The following C15orf40 variants were observed in gnomAD, a reference collection of about 807,000 sequenced individuals.
C15orf40 encodes the protein UPF0235 protein C15orf40.
Under a neutral mutation model 13.9 loss-of-function variants are expected in C15orf40, and 9 were observed. The ratio of observed to expected loss-of-function variants is 0.65; its 90% confidence interval spans 0.39 to 1.13. C15orf40 has a LOEUF of 1.13. C15orf40 is among the 50% of genes most tolerant of loss of function. The probability of loss-of-function intolerance (pLI) is 0.01; values close to 1 mark genes in which losing one functional copy is unlikely to be tolerated. For missense variants in C15orf40, 225 were observed against 188.5 expected (o/e 1.19, Z -1.13); for synonymous variants, 95 against 69.2 (o/e 1.37, Z -1.85).
chr15:82,998,078 G>C lies in C15orf40; in HGVS notation c.*7519C>G, dbSNP rs2031207624. ...CATCTCCCTCCCGGACGGGGTGGCT[G>C]GCCGGGCTGAGGGGCTCCTCACTTC... On this transcript the variant is annotated 3_prime_UTR_variant, in exon 4 of 4. Transcript: ENST00000304177. The C allele has an allele frequency of 7.4e-6, 1 of 134,992 alleles. No homozygotes were observed. The highest frequency in any genetic ancestry group is 1.6e-5 in the Non-Finnish European group (1 of 62,282). 8.4% of individuals were successfully genotyped at this position (134,992 alleles called of 1,614,324 possible). A position where few individuals can be genotyped will look rare whatever the true frequency, so the allele number is the denominator to read the frequency against.
At position 83,003,686 on chromosome 15, in the gene C15orf40, A is replaced by T. The variant is rs2031525108; in HGVS notation, c.*1911T>A. ...CATAAGCCACCTTTTCTTGCCCTTG[A>T]TACCTATTTGGTACAAGTTAAGAGT... On this transcript the variant is annotated 3_prime_UTR_variant, in exon 4 of 4. Coordinates refer to ENST00000304177, the MANE Select transcript of C15orf40 (RefSeq NM_144597.3). The T allele has an allele frequency of 6.6e-6, 1 of 152,188 alleles. No individual in the cohort carries two copies. The allele number at this position is 152,188 out of a possible 1,614,324, so 9.4% of individuals were successfully genotyped here. A position where few individuals can be genotyped will look rare whatever the true frequency, so the allele number is the denominator to read the frequency against.
rs1393251334 is a variant in C15orf40 at position 83,010,096 on chromosome 15, GA to G, written c.238+140del. 6.1e-5 allele frequency: 72 copies of G among 1,183,044 alleles called. No individual in the cohort carries two copies. The African/African-American group carries it at 1.1e-3, about 17-fold the overall frequency. 73.3% of individuals were successfully genotyped at this position (1,183,044 alleles called of 1,614,324 possible). The stretch of plus-strand genomic sequence containing the variant: ...TAAGACACCTTTACATTAGAATCTA[GA>G]ATTTTAAAATGGAGAAGCCTCTAAC... On this transcript the variant is annotated intron_variant, in intron 2 of 3. Transcript: ENST00000304177.
Position 83,003,174 on chromosome 15 carries a change from A to C in C15orf40, c.*2423T>G, listed in dbSNP as rs2031498321. 2.3e-5 allele frequency: 3 copies of C among 131,414 alleles called. No homozygotes were observed. The highest frequency in any genetic ancestry group is 1.9e-4 in the Admixed American group (2 of 10,654). 8.1% of individuals were successfully genotyped at this position (131,414 alleles called of 1,614,324 possible). A position where few individuals can be genotyped will look rare whatever the true frequency, so the allele number is the denominator to read the frequency against. ...GAGTTTCGCTCCTTTTGCCCAGGCT[A>C]GAGTGCAATGGCACGATCTCAGCTC... is the stretch of plus-strand genomic sequence containing the variant. On this transcript the variant is annotated 3_prime_UTR_variant, in exon 4 of 4. Coordinates refer to ENST00000304177, the MANE Select transcript of C15orf40 (RefSeq NM_144597.3).
downstream of C15orf40, chr15:82,991,103 T>G (rs1403831751): frequency 6.4e-6 from 1 of 155,220 alleles, no homozygotes; most frequent in African/African-American, 2.4e-5. Context: ...ATGAGATTTT[T>G]GGGTTTTTTT....
At chr15:83,006,426 T>C (rs1199712078) in intron 3 of C15orf40, 1 of 985,376 alleles carries the variant, frequency 1.0e-6, no homozygotes, top group Non-Finnish European at 1.2e-6. Flanking sequence ...AGTAGCCACA[T>C]ATCCAAGTGC....
chr15:83,010,457 C>G (rs779695356), intron 1 of C15orf40, 94 bp from the exon 2 acceptor site: 1 of 1,458,734 alleles, frequency 6.9e-7, no homozygotes, highest in Non-Finnish European at 9.5e-7. Context: ...CCTTAACAGA[C>G]AAACTAGGCT....
chr15:83,006,512 C>T, intron 3 of C15orf40: 1 of 976,672 alleles, frequency 1.0e-6, no homozygotes. Flanking sequence ...GTAATCCTAG[C>T]ACTCTGGGAG....
At chr15:83,005,795 CT>C in intron 3 of C15orf40, 103 bp from the exon 4 acceptor site, 1 of 1,423,194 alleles carries the variant, frequency 7.0e-7, no homozygotes. Flanking sequence ...ATGGCTTTCT[CT>C]TGGTTACTTC....
rs747542516 is a variant in C15orf40, at chr15:83,008,560, C to G, written c.354G>C (p.Val118=). Residue 118 remains valine (V), a synonymous_variant, in exon 3 of 4, where the codon GTG becomes GTC. Transcript: ENST00000304177. ...GAGCGAGACCTACCTTATCCAAAAC[C>G]ACATCACTCTTCCTGAGTTCTAGGA... ...SKVLELRKSD[V]VLDKGGKSRE... 1 of 1,613,616 alleles carries G rather than the reference C, an allele frequency of 6.2e-7. No individual in the cohort carries two copies. Among genetic ancestry groups the G allele is most frequent in the African/African-American group, 1.3e-5 (1 of 74,982 alleles).
At position 82,996,588 on chromosome 15, in the gene C15orf40, G is replaced by A; in HGVS notation, c.*9009C>T. 1 of 152,140 alleles carries A rather than the reference G, an allele frequency of 6.6e-6. No homozygotes were observed. Among genetic ancestry groups the A allele is most frequent in the Non-Finnish European group, 1.5e-5 (1 of 68,012 alleles). The allele number at this position is 152,140 out of a possible 1,614,324, so 9.4% of individuals were successfully genotyped here. A position where few individuals can be genotyped will look rare whatever the true frequency, so the allele number is the denominator to read the frequency against. On this transcript the variant is annotated 3_prime_UTR_variant, in exon 4 of 4. Coordinates refer to ENST00000304177, the MANE Select transcript of C15orf40 (RefSeq NM_144597.3). ...AACCCAGGACGCAGAACTTGCAGTA[G>A]GCCGAGACTGCGACACTGCACTCCA...
rs969440239 is a variant in C15orf40, at chr15:82,995,909, G to C, written c.*9688C>G. ...AATGGCTACCCAGTCAGTCAGGTTC[G>C]TATATAAGAGTGAGTTATCTGTGGG... is the stretch of plus-strand genomic sequence containing the variant. On this transcript the variant is annotated 3_prime_UTR_variant, in exon 4 of 4. Coordinates refer to ENST00000304177, the MANE Select transcript of C15orf40 (RefSeq NM_144597.3). 6.6e-6 allele frequency: 1 copy of C among 152,266 alleles called. No individual in the cohort carries two copies. The highest frequency in any genetic ancestry group is 1.5e-5 in the Non-Finnish European group (1 of 68,078). 9.4% of individuals were successfully genotyped at this position (152,266 alleles called of 1,614,324 possible). A position where few individuals can be genotyped will look rare whatever the true frequency, so the allele number is the denominator to read the frequency against.
chr15:83,004,927 T>C lies in C15orf40; in HGVS notation c.*670A>G, dbSNP rs1450740487. 1 of 1,302,110 alleles carries C rather than the reference T, an allele frequency of 7.7e-7. No individual in the cohort carries two copies. The highest frequency in any genetic ancestry group is 1.0e-6 in the Non-Finnish European group (1 of 986,090). The allele number at this position is 1,302,110 out of a possible 1,614,324, so 80.7% of individuals were successfully genotyped here. A position where few individuals can be genotyped will look rare whatever the true frequency, so the allele number is the denominator to read the frequency against. The stretch of plus-strand genomic sequence containing the variant: ...ACAAGTAGTCCAAGGATTTGGGTTC[T>C]AGTTGCCAGCTTGCATGGTACAATC... On this transcript the variant is annotated 3_prime_UTR_variant, in exon 4 of 4. Coordinates refer to ENST00000304177, the MANE Select transcript of C15orf40 (RefSeq NM_144597.3).
downstream of C15orf40, among the ~76,000 whole-genome samples, chr15:82,991,259 G>A (rs756288956): frequency 4.6e-5 from 7 of 152,166 alleles, no homozygotes; most frequent in African/African-American, 9.6e-5. Flanking sequence ...TTAAAAAGGC[G>A]TCTTCCAGCC....
At chr15:83,006,842 T>C (rs1042485710) in intron 3 of C15orf40, among the ~76,000 whole-genome samples, 3 of 152,160 alleles carry the variant, frequency 2.0e-5, no homozygotes, top group African/African-American at 7.2e-5. Flanking sequence ...TTTATTTAGA[T>C]GAGTGGAATT....
downstream of C15orf40, among the ~76,000 whole-genome samples, chr15:82,992,987 T>G (rs1418680790): frequency 2.6e-5 from 4 of 152,178 alleles, no homozygotes; most frequent in Admixed American, 1.3e-4. Context: ...AAAGATAATT[T>G]AAGAGTGAGA....
At position 83,004,255 on chromosome 15, in the gene C15orf40, C is replaced by T. The variant is rs1014313086; in HGVS notation, c.*1342G>A. ...CCTTCCAAAGCGCTGGGATTACAGG[C>T]GTGAGCCACCAAGCCCAGCTACCAT... On this transcript the variant is annotated 3_prime_UTR_variant, in exon 4 of 4. Transcript: ENST00000304177. The T allele has an allele frequency of 2.2e-6, 2 of 924,246 alleles. No homozygotes were observed. Among genetic ancestry groups the T allele is most frequent in the Non-Finnish European group, 2.6e-6 (2 of 774,392 alleles). 57.3% of individuals were successfully genotyped at this position (924,246 alleles called of 1,614,324 possible). A position where few individuals can be genotyped will look rare whatever the true frequency, so the allele number is the denominator to read the frequency against.
In C15orf40 at chr15:82,995,241, C is replaced by G. The variant is rs947400421; in HGVS notation, c.*10356G>C. On this transcript the variant is annotated 3_prime_UTR_variant, in exon 4 of 4. Transcript: ENST00000304177. The stretch of plus-strand genomic sequence containing the variant: ...AGAGAGTGGCCCTGGGCCAGGCTGG[C>G]TGCATGGGTCCCAATCAGTGGGGCT... 1 of 151,918 alleles carries G rather than the reference C, an allele frequency of 6.6e-6. No individual in the cohort carries two copies. Among genetic ancestry groups the G allele is most frequent in the Non-Finnish European group, 1.5e-5 (1 of 68,150 alleles). 9.4% of individuals were successfully genotyped at this position (151,918 alleles called of 1,614,324 possible). A position where few individuals can be genotyped will look rare whatever the true frequency, so the allele number is the denominator to read the frequency against.
At chr15:83,010,571 G>GT (rs74792500) in intron 1 of C15orf40, 2 of 516,124 alleles carry the variant, frequency 3.9e-6, no homozygotes, top group Non-Finnish European at 6.8e-6. Context: ...ACCCAACAGT[G>GT]TTTTTTCCCC....
Position 83,001,363 on chromosome 15 carries a change from A to G in C15orf40, c.*4234T>C, listed in dbSNP as rs142978003. On this transcript the variant is annotated 3_prime_UTR_variant, in exon 4 of 4. Coordinates refer to ENST00000304177, the MANE Select transcript of C15orf40 (RefSeq NM_144597.3). ...TTAATACATCATGTTTGCACAAGTA[A>G]TTATCATTTATTAAGGTGCGGGTGA... 2.0e-3 allele frequency: 1,775 copies of G among 895,826 alleles called. 2 individuals are homozygous for G. The highest frequency in any genetic ancestry group is 2.8e-3 in the Middle Eastern group (5 of 1,770). The allele number at this position is 895,826 out of a possible 1,614,324, so 55.5% of individuals were successfully genotyped here. A position where few individuals can be genotyped will look rare whatever the true frequency, so the allele number is the denominator to read the frequency against.
Sources: allele counts gnomAD v4.1 joint callset (sites outside exome capture counted in the v4.1 genomes callset), GRCh38; gene constraint gnomAD v4.1.1; transcripts MANE v1.5; gene names NCBI Gene and HGNC (gene_info 2026-07-23, HGNC 2026-07-21).